The following DSCAM variants were observed in gnomAD, a reference collection of about 807,000 sequenced individuals.
The protein encoded by DSCAM is DS cell adhesion molecule.
Under a neutral mutation model 217.7 loss-of-function variants are expected in DSCAM, and 47 were observed. The observed-to-expected ratio is 0.22, with a 90% CI of 0.17 to 0.28. DSCAM has a LOEUF of 0.28. Ranked by LOEUF, DSCAM falls within the 10% of genes least tolerant of loss-of-function variation. DSCAM has a pLI of 1.00. For synonymous variants in DSCAM, 1,056 were observed against 1,015.3 expected (o/e 1.04, Z -0.76); for missense variants, 2,080 against 2,618.3 (o/e 0.79, Z 4.49).
At chr21:40,633,224 G>C (rs1239345976) in intron 3 of DSCAM, among the ~76,000 whole-genome samples, 1 of 152,190 alleles carries the variant, frequency 6.6e-6, no homozygotes, top group South Asian at 2.1e-4. Context: ...TGGAAGCAGA[G>C]AGTGGCAGTC....
At chr21:40,527,628 T>A (rs973841816) in intron 3 of DSCAM, among the ~76,000 whole-genome samples, 1 of 152,178 alleles carries the variant, frequency 6.6e-6, no homozygotes, top group East Asian at 1.9e-4. Context: ...TCAGCCTAAA[T>A]TGCCAGTTCA....
chr21:40,232,356 T>C (rs2091389644), intron 11 of DSCAM, among the ~76,000 whole-genome samples: 2 of 152,170 alleles, frequency 1.3e-5, no homozygotes, highest in African/African-American at 4.8e-5. Flanking sequence ...ATAATAAATG[T>C]ATGAATCTAC....
At chr21:40,693,105 T>A in intron 2 of DSCAM, 149 bp from the exon 3 acceptor site, 1 of 937,910 alleles carries the variant, frequency 1.1e-6, no homozygotes, top group Admixed American at 2.9e-5. Flanking sequence ...ACATTTCACG[T>A]CTTTCATCGC....
chr21:40,528,819 C>A (rs539320920), intron 3 of DSCAM, among the ~76,000 whole-genome samples: 4 of 150,972 alleles, frequency 2.6e-5, no homozygotes, highest in Non-Finnish European at 5.9e-5. Flanking sequence ...CAGCAGCCAG[C>A]GAGGTGAGCA....
At chr21:40,484,426 C>T (rs983556413) in intron 3 of DSCAM, among the ~76,000 whole-genome samples, 2 of 152,182 alleles carry the variant, frequency 1.3e-5, no homozygotes, top group Admixed American at 1.3e-4. Context: ...CTCCTGTTCT[C>T]AGTGCTGCAA....
At chr21:40,321,978 A>C (rs1334073304) in intron 8 of DSCAM, among the ~76,000 whole-genome samples, 1 of 152,152 alleles carries the variant, frequency 6.6e-6, no homozygotes, top group Non-Finnish European at 1.5e-5. Context: ...TTTGAGATTC[A>C]ACTCAGCTTT....
At position 40,585,179 on chromosome 21, in the gene DSCAM, C is replaced by CTTTT. The variant is rs11304632; in HGVS notation, c.508+107627_508+107630dup. ...GTAGAACCGCGAGACAAATCAACTT[C>CTTTT]TTTTTTTTTTTTTTTACAACTTACC... On this transcript the variant is annotated intron_variant, in intron 3 of 32. Transcript: ENST00000400454. Among the ~76,000 whole-genome samples the CTTTT allele has an allele frequency of 7.4e-3, 1,081 of 145,926 alleles. 5 individuals are homozygous for CTTTT. The highest frequency in any genetic ancestry group is 0.012 in the Non-Finnish European group (823 of 66,670).
intron 1 of DSCAM, among the ~76,000 whole-genome samples, chr21:40,818,118 A>G (rs2091897812): frequency 6.7e-6 from 1 of 149,080 alleles, no homozygotes; most frequent in African/African-American, 2.5e-5. Flanking sequence ...AAAAAAAAAA[A>G]AAAAAAAAAA....
intron 1 of DSCAM, among the ~76,000 whole-genome samples, chr21:40,736,517 C>T (rs2091064765): frequency 6.6e-6 from 1 of 152,198 alleles, no homozygotes; most frequent in Non-Finnish European, 1.5e-5. Context: ...ACAGTATCCA[C>T]AGGGTTGATT....
chr21:40,735,823 C>T (rs1283459768), intron 1 of DSCAM, among the ~76,000 whole-genome samples: 1 of 152,158 alleles, frequency 6.6e-6, no homozygotes, highest in Non-Finnish European at 1.5e-5. Context: ...TCACACCAAC[C>T]AATTCTCTCT....
At chr21:40,548,053 G>A (rs561577791) in intron 3 of DSCAM, among the ~76,000 whole-genome samples, 12 of 152,288 alleles carry the variant, frequency 7.9e-5, no homozygotes, top group African/African-American at 1.9e-4. Flanking sequence ...GCGGAGGAGC[G>A]GGGAGAGAGC....
chr21:40,547,877 G>A (rs1484297012), intron 3 of DSCAM, among the ~76,000 whole-genome samples: 1 of 152,198 alleles, frequency 6.6e-6, no homozygotes, highest in African/African-American at 2.4e-5. Context: ...CAAGACGAAG[G>A]CAGGCAGGCA....
intron 19 of DSCAM, among the ~76,000 whole-genome samples, chr21:40,129,757 T>C (rs1409536040): frequency 6.6e-6 from 1 of 152,170 alleles, no homozygotes; most frequent in Non-Finnish European, 1.5e-5. Flanking sequence ...CTGGTGGCTA[T>C]GCAAACATAG....
intron 3 of DSCAM, among the ~76,000 whole-genome samples, chr21:40,689,436 C>A (rs531987050): frequency 1.3e-5 from 2 of 152,214 alleles, no homozygotes; most frequent in African/African-American, 2.4e-5. Context: ...CAGTGGGGCA[C>A]GTTGGGCCAT....
At chr21:40,675,018 C>A in intron 3 of DSCAM, among the ~76,000 whole-genome samples, 1 of 128,530 alleles carries the variant, frequency 7.8e-6, no homozygotes, top group East Asian at 2.4e-4. Context: ...TATATAAACA[C>A]ACACACACAC....
intron 28 of DSCAM, among the ~76,000 whole-genome samples, chr21:40,061,180 C>G (rs1023843801): frequency 6.6e-6 from 1 of 152,146 alleles, no homozygotes; most frequent in Non-Finnish European, 1.5e-5. Flanking sequence ...TCCTCCCAAC[C>G]TACCTTCCAA....
chr21:40,419,839 TA>T (rs2075406040), intron 3 of DSCAM, among the ~76,000 whole-genome samples: 1 of 152,066 alleles, frequency 6.6e-6, no homozygotes, highest in South Asian at 2.1e-4. Flanking sequence ...CTAGAAAGAA[TA>T]AAAAATTAAA....
At position 40,291,925 on chromosome 21, in the gene DSCAM, C is replaced by T. The variant is rs534277264; in HGVS notation, c.2182+4130G>A. ...TTCTCTCGCATTTGCAGTCCCTCTT[C>T]GCTTCTCAGCAGGTAACAAGGAGAT... On this transcript the variant is annotated intron_variant, in intron 10 of 32. Transcript: ENST00000400454. 5.9e-5 allele frequency among the ~76,000 whole-genome samples: 9 copies of T among 152,294 alleles called. No homozygotes were observed. In the South Asian group the frequency reaches 1.2e-3, roughly 21 times the overall value.
chr21:40,216,146 C>T (rs540565366), intron 11 of DSCAM, among the ~76,000 whole-genome samples: 1 of 152,238 alleles, frequency 6.6e-6, no homozygotes, highest in East Asian at 1.9e-4. Flanking sequence ...CTCTCTGTCA[C>T]CCAGGCTGGT....
Sources: allele counts gnomAD v4.1 joint callset (sites outside exome capture counted in the v4.1 genomes callset), GRCh38; gene constraint gnomAD v4.1.1; transcripts MANE v1.5; gene names NCBI Gene and HGNC (gene_info 2026-07-23, HGNC 2026-07-21).